The following SFSWAP variants were observed in gnomAD, a reference collection of about 807,000 sequenced individuals.
SFSWAP encodes splicing factor, suppressor of white-apricot homolog.
SFSWAP carries 17 observed loss-of-function variants against 100.7 expected under a neutral mutation model. The observed-to-expected ratio is 0.17, with a 90% CI of 0.12 to 0.25. The LOEUF (loss-of-function observed/expected upper bound fraction) is 0.25, where lower values mean the gene tolerates loss of function less well. Among genes scored for constraint, SFSWAP ranks in the 10% least tolerant of loss-of-function variants. The pLI is 1.00. For missense variants in SFSWAP, 1,005 were observed against 1,262.6 expected (o/e 0.80, Z 3.09); for synonymous variants, 504 against 510.1 (o/e 0.99, Z 0.16).
intron 7 of SFSWAP, among the ~76,000 whole-genome samples, chr12:131,740,962 T>C (rs1339348762): frequency 7.4e-6 from 1 of 135,226 alleles, no homozygotes; most frequent in African/African-American, 2.6e-5. Flanking sequence ...TTTTTCTTTT[T>C]TTTCTTTTTT....
intron 7 of SFSWAP, among the ~76,000 whole-genome samples, chr12:131,742,960 G>A (rs376488569): frequency 1.3e-5 from 2 of 152,180 alleles, no homozygotes; most frequent in South Asian, 2.1e-4. Context: ...ATGGCAGCTG[G>A]CAAAGAGTTT....
At chr12:131,747,182 A>G (rs1187650419) in intron 7 of SFSWAP, among the ~76,000 whole-genome samples, 2 of 151,732 alleles carry the variant, frequency 1.3e-5, no homozygotes, top group African/African-American at 2.4e-5. Flanking sequence ...AGCGATTTGC[A>G]TCATGCTCTG....
intron 13 of SFSWAP, among the ~76,000 whole-genome samples, chr12:131,769,811 T>A (rs1262007715): frequency 1.3e-5 from 2 of 152,140 alleles, no homozygotes; most frequent in African/African-American, 4.8e-5. Context: ...GTATTTTTAG[T>A]AGAGACGGGG....
intron 9 of SFSWAP, 98 bp downstream of exon 9, chr12:131,754,597 T>A: frequency 1.2e-6 from 1 of 835,988 alleles, no homozygotes; most frequent in Non-Finnish European, 1.7e-6. Flanking sequence ...TTTTTTTATA[T>A]ATTTTTAAGC....
intron 11 of SFSWAP, 88 bp downstream of exon 11, chr12:131,756,732 C>A: frequency 8.2e-7 from 1 of 1,221,282 alleles, no homozygotes; most frequent in Non-Finnish European, 1.1e-6. Context: ...TCAGCGCCCT[C>A]ACCTGCAGGC....
chr12:131,797,481 A>G (rs113639788), intron 16 of SFSWAP, 121 bp downstream of exon 16: 4 of 865,470 alleles, frequency 4.6e-6, no homozygotes, highest in African/African-American at 1.7e-5. Flanking sequence ...GGCGCCAGCC[A>G]CAAAGCCAAA....
chr12:131,781,295 T>A (rs577370570), intron 14 of SFSWAP, among the ~76,000 whole-genome samples: 14 of 148,936 alleles, frequency 9.4e-5, no homozygotes, highest in African/African-American at 3.5e-4. Flanking sequence ...TGGAGTGCAG[T>A]GGCGCGATCT....
intron 15 of SFSWAP, among the ~76,000 whole-genome samples, chr12:131,788,245 G>T (rs1277454705): frequency 1.3e-5 from 2 of 152,178 alleles, no homozygotes; most frequent in Non-Finnish European, 2.9e-5. Flanking sequence ...ACACTCAGAC[G>T]CCAGACTCGC....
intron 7 of SFSWAP, among the ~76,000 whole-genome samples, chr12:131,738,629 T>G (rs138740710): frequency 0.012 from 1,799 of 152,314 alleles, 44 homozygotes; most frequent in African/African-American, 0.041. Context: ...ATTGAGAGGT[T>G]GTCATTGTAG....
chr12:131,766,538 G>A (rs984626832), intron 13 of SFSWAP, among the ~76,000 whole-genome samples: 17 of 152,234 alleles, frequency 1.1e-4, no homozygotes, highest in Admixed American at 1.0e-3. Context: ...CACTGCCCGC[G>A]ATTTCAGGGG....
chr12:131,747,469 G>A (rs1881239226), intron 7 of SFSWAP, among the ~76,000 whole-genome samples: 1 of 152,226 alleles, frequency 6.6e-6, no homozygotes, highest in Non-Finnish European at 1.5e-5. Flanking sequence ...GGAGAAGCAG[G>A]CAGGTGGGTT....
At chr12:131,716,803 C>A (rs1306382949) in intron 3 of SFSWAP, among the ~76,000 whole-genome samples, 1 of 152,268 alleles carries the variant, frequency 6.6e-6, no homozygotes, top group East Asian at 1.9e-4. Context: ...AGCCCCTATT[C>A]TAGATGATGG....
chr12:131,716,549 CAAAT>C, intron 3 of SFSWAP, among the ~76,000 whole-genome samples: 1 of 152,304 alleles, frequency 6.6e-6, no homozygotes, highest in East Asian at 1.9e-4. Flanking sequence ...AGCCACTTCA[CAAAT>C]AAAGAGTTGA....
chr12:131,739,485 TATATTATGAGAGTTTATAA>T (rs1467450519), intron 7 of SFSWAP, among the ~76,000 whole-genome samples: 1 of 151,742 alleles, frequency 6.6e-6, no homozygotes, highest in Non-Finnish European at 1.5e-5. Context: ...ATATTATTTT[TATATTATGAGAGTTTATAA>T]ATAGTATTTG....
At position 131,731,529 on chromosome 12, in the gene SFSWAP, G is replaced by A. The variant is rs75265058; in HGVS notation, c.1081+3101G>A. Reference sequence around the variant, plus strand: ...GAGACAGCAGTCATTGATCTACCCAGGTTGGTCATGATTAGGGAACTGCCT... The same window carrying A: ...GAGACAGCAGTCATTGATCTACCCAAGTTGGTCATGATTAGGGAACTGCCT... On this transcript the variant is annotated intron_variant, in intron 7 of 17. Transcript: ENST00000261674. 3.0e-4 allele frequency among the ~76,000 whole-genome samples: 45 copies of A among 152,272 alleles called. No individual in the cohort carries two copies. The East Asian group carries it at 7.9e-3, about 27-fold the overall frequency.
intron 14 of SFSWAP, among the ~76,000 whole-genome samples, chr12:131,781,430 G>C (rs1374126252): frequency 6.6e-6 from 1 of 151,352 alleles, no homozygotes; most frequent in African/African-American, 2.4e-5. Context: ...GTAGAGACGG[G>C]GTTTCACCGT....
At chr12:131,779,413 T>C (rs1566051884) in intron 14 of SFSWAP, among the ~76,000 whole-genome samples, 1 of 152,064 alleles carries the variant, frequency 6.6e-6, no homozygotes, top group Non-Finnish European at 1.5e-5. Flanking sequence ...GGTTAACATT[T>C]CTGGCAGCAG....
chr12:131,746,170 C>T (rs1881084647), intron 7 of SFSWAP, among the ~76,000 whole-genome samples: 1 of 152,226 alleles, frequency 6.6e-6, no homozygotes, highest in Admixed American at 6.5e-5. Flanking sequence ...ACATGCACAT[C>T]ATCTTTGCAG....
chr12:131,715,424 T>C (rs1877803980), intron 3 of SFSWAP, among the ~76,000 whole-genome samples: 1 of 152,234 alleles, frequency 6.6e-6, no homozygotes. Flanking sequence ...CACAGCTTCC[T>C]GGTAGCCTTG....
Sources: allele counts gnomAD v4.1 joint callset (sites outside exome capture counted in the v4.1 genomes callset), GRCh38; gene constraint gnomAD v4.1.1; transcripts MANE v1.5; gene names NCBI Gene and HGNC (gene_info 2026-07-23, HGNC 2026-07-21).